ADGRG1: variants seen among roughly 807,000 people sequenced by gnomAD.
ADGRG1 encodes adhesion G protein-coupled receptor G1, also known as 7-transmembrane protein with no EGF-like N-terminal domains-1.
In ADGRG1, 53 loss-of-function variants were observed where a neutral mutation model predicts 73.5. The observed-to-expected ratio is 0.72, with a 90% CI of 0.58 to 0.91. ADGRG1 has a LOEUF of 0.91. Among genes scored for constraint, ADGRG1 ranks in the 40% least tolerant of loss-of-function variants. ADGRG1 has a pLI of 0.00. For missense variants in ADGRG1, 795 were observed against 871.8 expected, an observed-to-expected ratio of 0.91 and a Z score of 1.11; for synonymous variants, 394 against 374.4, an observed-to-expected ratio of 1.05 and a Z score of -0.60.
rs758101373 is a variant in ADGRG1 at position 57,654,142 on chromosome 16, C to A, written c.768+9C>A. ...TCCACTCCCGGCAGGAGGTCAGGGGCAGGCCTGGGCAGGAAGCAGATGCGG... is the reference window on the plus strand; with the variant it reads ...TCCACTCCCGGCAGGAGGTCAGGGGAAGGCCTGGGCAGGAAGCAGATGCGG... On this transcript the variant is annotated intron_variant, in intron 5 of 13. Transcript: ENST00000562631. 3 of 1,608,970 alleles carry A rather than the reference C, an allele frequency of 1.9e-6. No homozygotes were observed. The South Asian group carries it at 3.3e-5, about 18-fold the overall frequency.
At chr16:57,628,115 C>G, upstream of ADGRG1, 1 of 967,112 alleles carries the variant, frequency 1.0e-6, no homozygotes, top group Non-Finnish European at 1.2e-6. Context: ...CCTGGCTGGC[C>G]TCCTGCCCGG....
chr16:57,660,257 G>C, intron 11 of ADGRG1: 5 of 985,356 alleles, frequency 5.1e-6, no homozygotes, highest in Non-Finnish European at 6.0e-6. Flanking sequence ...TGCTCTTCGC[G>C]GGTTTGTCAT....
In ADGRG1 at chr16:57,635,397, C is replaced by A. The variant is rs1597171920; in HGVS notation, c.-36+6595C>A. 3 of 985,210 alleles carry A rather than the reference C, an allele frequency of 3.0e-6. No homozygotes were observed. In the African/African-American group the frequency reaches 5.2e-5, roughly 17 times the overall value. The allele number at this position is 985,210 out of a possible 1,614,324, so 61.0% of individuals were successfully genotyped here. On this transcript the variant is annotated intron_variant, in intron 1 of 13. Transcript: ENST00000562631. Reference sequence around the variant, plus strand: ...CTCCTCTCCTGCCTGCCTCCTGGCACCTTAAGTGGAGGTGGTGGGAGCTGG... The same window carrying A: ...CTCCTCTCCTGCCTGCCTCCTGGCAACTTAAGTGGAGGTGGTGGGAGCTGG...
chr16:57,631,528 T>C, intron 1 of ADGRG1: 1 of 985,486 alleles, frequency 1.0e-6, no homozygotes, highest in Non-Finnish European at 1.2e-6. Flanking sequence ...CACCACCTCC[T>C]CCTCCCAGAC....
chr16:57,661,308 T>C lies in ADGRG1; in HGVS notation c.1665-389T>C, dbSNP rs552112817. 3.0e-6 allele frequency: 3 copies of C among 985,320 alleles called. No homozygotes were observed. The African/African-American group carries it at 5.2e-5, about 17-fold the overall frequency. The allele number at this position is 985,320 out of a possible 1,614,324, so 61.0% of individuals were successfully genotyped here. On this transcript the variant is annotated intron_variant, in intron 12 of 13. Transcript: ENST00000562631. ...GAGTGGGGTTGAAGTCCAGTCCTTCTCCACTCACCTGATTCACCCAGGCTG... is the reference window on the plus strand; with the variant it reads ...GAGTGGGGTTGAAGTCCAGTCCTTCCCCACTCACCTGATTCACCCAGGCTG...
In ADGRG1 at chr16:57,656,170, A is replaced by G. The variant is rs151113792; in HGVS notation, c.1018-56A>G. Reference sequence around the variant, plus strand: ...CTAGACTTCCTCTGCCTGGCCTGTAAAGTTGGAGGGGTGGGGGGCTGTCAC... The same window carrying G: ...CTAGACTTCCTCTGCCTGGCCTGTAGAGTTGGAGGGGTGGGGGGCTGTCAC... On this transcript the variant is annotated intron_variant, in intron 7 of 13. Transcript: ENST00000562631. 8,516 of 1,613,216 alleles carry G rather than the reference A, an allele frequency of 5.3e-3. 104 individuals carry two copies. Among genetic ancestry groups the G allele is most frequent in the African/African-American group, 0.038 (2,828 of 74,932 alleles).
chr16:57,643,055 T>C (rs1203530669), intron 1 of ADGRG1: 1 of 152,226 alleles, frequency 6.6e-6, no homozygotes, highest in Non-Finnish European at 1.5e-5. Context: ...AGAATCTCCC[T>C]GGATTCCAGG....
Position 57,653,291 on chromosome 16 carries a change from T to A in ADGRG1, c.576T>A (p.His192Gln), listed in dbSNP as rs779493914. Residue 192 changes from histidine to glutamine, a missense_variant, in exon 4 of 14, where the codon CAT (histidine) becomes CAA (glutamine). By Grantham distance (24) the His-to-Gln change is conservative. Transcript: ENST00000562631. ...AGCTGCTCAGCCAGTTCCTGAAGCATCCCCAGAAGGCCTCAAGGAGGCCCT... is the reference window on the plus strand; with the variant it reads ...AGCTGCTCAGCCAGTTCCTGAAGCAACCCCAGAAGGCCTCAAGGAGGCCCT... Reference protein sequence around the residue: ...DLQLLSQFLKHPQKASRRPSA... With the variant: ...DLQLLSQFLKQPQKASRRPSA... 1 of 1,612,388 alleles carries A rather than the reference T, an allele frequency of 6.2e-7. No homozygotes were observed. Among genetic ancestry groups the A allele is most frequent in the South Asian group, 1.1e-5 (1 of 91,052 alleles).
Position 57,661,848 on chromosome 16 carries a change from C to T in ADGRG1, c.1816C>T (p.Leu606=). Residue 606 remains leucine, a synonymous_variant, in exon 13 of 14, where the codon CTG becomes TTG. Transcript: ENST00000562631. The stretch of plus-strand genomic sequence containing the variant: ...CCAAAAGTGGTCACATGTGCTGACA[C>T]TGCTGGGCCTCAGCCTGGTCCTTGG... ...HTQKWSHVLT[L]LGLSLVLGLP... 6.2e-7 allele frequency: 1 copy of T among 1,614,262 alleles called. No individual in the cohort carries two copies. The highest frequency in any genetic ancestry group is 8.5e-7 in the Non-Finnish European group (1 of 1,180,024).
chr16:57,630,158 A>C (rs1447695192), intron 1 of ADGRG1: 4 of 451,680 alleles, frequency 8.9e-6, no homozygotes, highest in Non-Finnish European at 1.2e-5. Flanking sequence ...AGTGGCCCAG[A>C]CCCAGAGCCA....
In ADGRG1 at chr16:57,657,434, G is replaced by T. The variant is rs1174548944; in HGVS notation, c.1229G>T (p.Gly410Val). 1 of 1,614,120 alleles carries T rather than the reference G, an allele frequency of 6.2e-7. No homozygotes were observed. The highest frequency in any genetic ancestry group is 8.5e-7 in the Non-Finnish European group (1 of 1,179,982). The change falls in exon 10 of 14, where the codon GGC becomes GTC. Residue 410 changes from glycine to valine, a missense_variant. Gly to Val is a moderately radical substitution (Grantham distance 109). Coordinates refer to ENST00000562631, the MANE Select transcript of ADGRG1 (RefSeq NM_201525.4). ...KHYLSLLSYV[G>V]CVVSALACLV... ...TACCTGAGCCTCCTCTCCTACGTGGGCTGTGTCGTCTCTGCCCTGGCCTGC... is the reference window on the plus strand; with the variant it reads ...TACCTGAGCCTCCTCTCCTACGTGGTCTGTGTCGTCTCTGCCCTGGCCTGC...
intron 13 of ADGRG1, chr16:57,662,829 G>A (rs2047561091): frequency 5.7e-6 from 3 of 524,348 alleles, no homozygotes; most frequent in South Asian, 8.2e-5. Context: ...TCTGTTCCTG[G>A]CCGTGCAGAA....
intron 1 of ADGRG1, among the ~76,000 whole-genome samples, chr16:57,633,858 A>T (rs2038659336): frequency 6.6e-6 from 1 of 152,224 alleles, no homozygotes; most frequent in Non-Finnish European, 1.5e-5. Flanking sequence ...ATCCTGTGAC[A>T]GCTTCCCCTT....
chr16:57,631,609 A>C (rs1406152207), intron 1 of ADGRG1: 1 of 985,302 alleles, frequency 1.0e-6, no homozygotes, highest in Non-Finnish European at 1.2e-6. Context: ...CTTCTGACTC[A>C]CAGCAGATGG....
At chr16:57,636,613 ATCT>A in intron 1 of ADGRG1, 2 of 984,628 alleles carry the variant, frequency 2.0e-6, no homozygotes, top group Non-Finnish European at 2.4e-6. Flanking sequence ...GATCTTCTAG[ATCT>A]TCTATCAGGA....
intron 1 of ADGRG1, chr16:57,634,025 G>A: frequency 1.0e-6 from 1 of 973,352 alleles, no homozygotes; most frequent in South Asian, 4.7e-5. Flanking sequence ...ATTACCCACA[G>A]AACCGCCGAC....
rs1359460172 is a variant in ADGRG1 at position 57,636,097 on chromosome 16, G to A, written c.-36+7295G>A. The stretch of plus-strand genomic sequence containing the variant: ...TTGCTTGACCTTGGAGAGCCCATGG[G>A]GAGCCCAGGTGGGAGCTTGGGGTCT... On this transcript the variant is annotated intron_variant, in intron 1 of 13. Transcript: ENST00000562631. 3.0e-6 allele frequency: 3 copies of A among 985,256 alleles called. No homozygotes were observed. In the African/African-American group the frequency reaches 5.2e-5, roughly 17 times the overall value. 61.0% of individuals were successfully genotyped at this position (985,256 alleles called of 1,614,324 possible).
intron 1 of ADGRG1, chr16:57,645,093 C>T (rs1407499509): frequency 6.1e-6 from 6 of 985,302 alleles, no homozygotes; most frequent in East Asian, 1.1e-4. Context: ...GTGTAACTCG[C>T]AGGAGTTCAT....
upstream of ADGRG1, chr16:57,619,893 G>C (rs370020371): frequency 4.6e-5 from 7 of 152,520 alleles, no homozygotes; most frequent in East Asian, 1.9e-4. Flanking sequence ...TGAGGGGTGG[G>C]GGGACTCAGC....
Sources: gnomAD v4.1 joint callset for allele counts (sites outside exome capture counted in the v4.1 genomes callset) on GRCh38, gnomAD v4.1.1 for gene constraint, MANE v1.5 for transcripts, NCBI Gene and HGNC (gene_info 2026-07-23, HGNC 2026-07-21) for gene names.